PRKAR2A: variants seen among roughly 807,000 people sequenced by gnomAD.
PRKAR2A encodes the protein cAMP-dependent protein kinase type II-alpha regulatory subunit.
A neutral mutation model predicts 51.9 loss-of-function variants in PRKAR2A; 29 were observed. The observed-to-expected ratio is 0.56, with a 90% CI of 0.42 to 0.76. PRKAR2A has a LOEUF of 0.76. Ranked by LOEUF, PRKAR2A falls within the 30% of genes least tolerant of loss-of-function variation. The pLI is 0.00. For missense variants in PRKAR2A, 445 were observed against 512.1 expected (o/e 0.87, Z 1.26); for synonymous variants, 178 against 186.2 (o/e 0.96, Z 0.36).
At chr3:48,763,605 G>C (rs1182241503) in intron 8 of PRKAR2A, among the ~76,000 whole-genome samples, 1 of 152,066 alleles carries the variant, frequency 6.6e-6, no homozygotes, top group Non-Finnish European at 1.5e-5. Context: ...CAGGATACCT[G>C]CTCTGAAACA....
chr3:48,842,079 T>C (rs1343589122), intron 1 of PRKAR2A, among the ~76,000 whole-genome samples: 4 of 152,188 alleles, frequency 2.6e-5, no homozygotes, highest in African/African-American at 9.6e-5. Flanking sequence ...TGTATCCTCT[T>C]TTATTTCATT....
chr3:48,836,442 A>AAAG (rs1559651329), intron 1 of PRKAR2A, among the ~76,000 whole-genome samples: 14 of 129,044 alleles, frequency 1.1e-4, no homozygotes, highest in African/African-American at 4.0e-4. Context: ...AAAAAAAAAA[A>AAAG]AAGAAGAAGA....
intron 4 of PRKAR2A, among the ~76,000 whole-genome samples, chr3:48,785,374 C>T (rs2082272447): frequency 6.6e-6 from 1 of 151,852 alleles, no homozygotes; most frequent in Non-Finnish European, 1.5e-5. Flanking sequence ...AATTCTCCTG[C>T]CTCAGCCTGC....
intron 1 of PRKAR2A, among the ~76,000 whole-genome samples, chr3:48,828,700 CCT>C (rs1416376655): frequency 1.4e-4 from 18 of 127,162 alleles, no homozygotes; most frequent in South Asian, 8.7e-4. Flanking sequence ...AGAGCGAGCC[CCT>C]GTCTCCAAAA....
At chr3:48,780,614 A>G (rs2082179557) in intron 5 of PRKAR2A, among the ~76,000 whole-genome samples, 1 of 151,808 alleles carries the variant, frequency 6.6e-6, no homozygotes, top group Non-Finnish European at 1.5e-5. Context: ...AAAAAAAAAA[A>G]AAAAAAAAAA....
At chr3:48,823,652 G>T (rs887758766) in intron 1 of PRKAR2A, among the ~76,000 whole-genome samples, 1 of 151,582 alleles carries the variant, frequency 6.6e-6, no homozygotes, top group Non-Finnish European at 1.5e-5. Flanking sequence ...TGGGTATGGT[G>T]GCGCACGTCT....
chr3:48,776,890 TA>T (rs1559613746), intron 5 of PRKAR2A, among the ~76,000 whole-genome samples: 2 of 144,442 alleles, frequency 1.4e-5, no homozygotes, highest in African/African-American at 2.5e-5. Flanking sequence ...TAAAACAGAT[TA>T]AAAAAATTAA....
At chr3:48,846,607 C>G (rs2107478857) in intron 1 of PRKAR2A, among the ~76,000 whole-genome samples, 1 of 152,342 alleles carries the variant, frequency 6.6e-6, no homozygotes, top group South Asian at 2.1e-4. Flanking sequence ...CCTCCTCAGC[C>G]TCCAGAGTAG....
At chr3:48,795,219 C>T (rs970966427) in intron 2 of PRKAR2A, among the ~76,000 whole-genome samples, 6 of 152,052 alleles carry the variant, frequency 3.9e-5, no homozygotes, top group African/African-American at 7.2e-5. Context: ...CTCAACCACC[C>T]GCCTCGGCCT....
intron 2 of PRKAR2A, among the ~76,000 whole-genome samples, chr3:48,797,067 C>T (rs1039692769): frequency 6.6e-6 from 1 of 152,014 alleles, no homozygotes; most frequent in Non-Finnish European, 1.5e-5. Flanking sequence ...CAGTTCTTGA[C>T]CCTACTCTCA....
intron 5 of PRKAR2A, among the ~76,000 whole-genome samples, chr3:48,779,813 AAATAAAT>A (rs1323669436): frequency 6.7e-6 from 1 of 149,254 alleles, no homozygotes; most frequent in Non-Finnish European, 1.5e-5. Flanking sequence ...ATAAATAAAT[AAATAAAT>A]AAATAAATAA....
In PRKAR2A at chr3:48,751,452, C is replaced by G; in HGVS notation, c.*133G>C. 1 of 1,329,270 alleles carries G rather than the reference C, an allele frequency of 7.5e-7. No individual in the cohort carries two copies. The highest frequency in any genetic ancestry group is 1.1e-6 in the Non-Finnish European group (1 of 941,310). The allele number at this position is 1,329,270 out of a possible 1,614,324, so 82.3% of individuals were successfully genotyped here. A position where few individuals can be genotyped will look rare whatever the true frequency, so the allele number is the denominator to read the frequency against. On this transcript the variant is annotated 3_prime_UTR_variant, in exon 11 of 11. Transcript: ENST00000265563. ...TGCTGACTTTCAAGTTTTCTAAATG[C>G]CCATAACCACAGCAATGGCAGCAGT...
intron 8 of PRKAR2A, among the ~76,000 whole-genome samples, chr3:48,759,588 T>C (rs1324660195): frequency 6.6e-6 from 1 of 152,110 alleles, no homozygotes; most frequent in Non-Finnish European, 1.5e-5. Context: ...GGTTTCTCCA[T>C]GTTGGTCAGG....
chr3:48,818,219 T>G (rs1471066703), intron 1 of PRKAR2A, among the ~76,000 whole-genome samples: 1 of 152,118 alleles, frequency 6.6e-6, no homozygotes, highest in Non-Finnish European at 1.5e-5. Context: ...ACCCAAGGCA[T>G]CCTGTTAAAA....
At chr3:48,843,082 C>T (rs1398315657) in intron 1 of PRKAR2A, among the ~76,000 whole-genome samples, 1 of 152,180 alleles carries the variant, frequency 6.6e-6, no homozygotes, top group Non-Finnish European at 1.5e-5. Flanking sequence ...ATTATTGCCA[C>T]AATTTCAGAT....
At chr3:48,844,857 C>T (rs1453834404) in intron 1 of PRKAR2A, among the ~76,000 whole-genome samples, 1 of 147,684 alleles carries the variant, frequency 6.8e-6, no homozygotes, top group African/African-American at 2.5e-5. Context: ...GGAGGGATAG[C>T]ATTAGGAGAT....
chr3:48,759,131 G>A (rs1000046043), intron 8 of PRKAR2A, among the ~76,000 whole-genome samples: 1 of 152,180 alleles, frequency 6.6e-6, no homozygotes, highest in African/African-American at 2.4e-5. Context: ...ACCATCAGCT[G>A]AAAACAGTTG....
chr3:48,829,317 G>C (rs1436499431), intron 1 of PRKAR2A, among the ~76,000 whole-genome samples: 2 of 151,326 alleles, frequency 1.3e-5, no homozygotes, highest in East Asian at 4.1e-4. Flanking sequence ...TCAGGAGTTC[G>C]AGGCCAGCCT....
intron 1 of PRKAR2A, among the ~76,000 whole-genome samples, chr3:48,827,798 AT>A (rs2083094614): frequency 6.6e-6 from 1 of 152,188 alleles, no homozygotes; most frequent in South Asian, 2.1e-4. Flanking sequence ...TACACAATCT[AT>A]AAAAAATACG....
Sources: allele counts gnomAD v4.1 joint callset (sites outside exome capture counted in the v4.1 genomes callset), GRCh38; gene constraint gnomAD v4.1.1; transcripts MANE v1.5; gene names NCBI Gene and HGNC (gene_info 2026-07-23, HGNC 2026-07-21).